MYO7A: variants seen among roughly 807,000 people sequenced by gnomAD.
MYO7A encodes myosin VIIA.
In MYO7A, 210 loss-of-function variants were observed where a neutral mutation model predicts 263.8. That is an observed-to-expected ratio of 0.80 (90% CI 0.71 to 0.89). The LOEUF is 0.89. Among genes scored for constraint, MYO7A ranks in the 40% least tolerant of loss-of-function variants. MYO7A has a pLI of 0.00. For missense variants in MYO7A, 2,820 were observed against 2,968.3 expected (o/e 0.95, Z 1.16); for synonymous variants, 1,239 against 1,197.3 (o/e 1.03, Z -0.72).
At chr11:77,186,288 G>A (rs1565424460) in intron 27 of MYO7A, among the ~76,000 whole-genome samples, 1 of 152,172 alleles carries the variant, frequency 6.6e-6, no homozygotes, top group Non-Finnish European at 1.5e-5. Flanking sequence ...TCAATTGAAA[G>A]TCAGCAGTGC....
intron 27 of MYO7A, among the ~76,000 whole-genome samples, chr11:77,188,049 T>G (rs1488524413): frequency 2.0e-5 from 3 of 152,214 alleles, no homozygotes; most frequent in Admixed American, 2.0e-4. Flanking sequence ...CTCACCATCA[T>G]ACCTAAAGCT....
intron 2 of MYO7A, among the ~76,000 whole-genome samples, chr11:77,136,839 C>T (rs1555047580): frequency 2.6e-5 from 4 of 152,198 alleles, no homozygotes; most frequent in Admixed American, 2.0e-4. Context: ...GGTCCAAACT[C>T]TTAGTGGCCA....
intron 9 of MYO7A, 43 bp from the exon 10 acceptor site, chr11:77,159,403 GC>G: frequency 2.8e-6 from 2 of 711,720 alleles, no homozygotes; most frequent in African/African-American, 1.7e-5. Context: ...TGCCCCTGTT[GC>G]CCACCCTCCC....
rs1952446418 is a variant in MYO7A, at chr11:77,156,198, T to G, written c.470+107T>G. Reference sequence around the variant, plus strand: ...ATTGCCCCCGCTGTCGGAAATGCCATCAAGCTCTTCAGGAACCAGACCTAT... The same window carrying G: ...ATTGCCCCCGCTGTCGGAAATGCCAGCAAGCTCTTCAGGAACCAGACCTAT... On this transcript the variant is annotated intron_variant, in intron 5 of 48. Transcript: ENST00000409709. 3 of 1,254,404 alleles carry G rather than the reference T, an allele frequency of 2.4e-6. No homozygotes were observed. The East Asian group carries it at 7.6e-5, about 32-fold the overall frequency. The allele number at this position is 1,254,404 out of a possible 1,614,324, so 77.7% of individuals were successfully genotyped here. A position where few individuals can be genotyped will look rare whatever the true frequency, so the allele number is the denominator to read the frequency against.
chr11:77,175,530 G>A, intron 18 of MYO7A, 66 bp downstream of exon 18: 4 of 1,451,896 alleles, frequency 2.8e-6, no homozygotes, highest in Non-Finnish European at 3.9e-6. Context: ...GTGGGCTGGG[G>A]TGCTCGGGAG....
intron 27 of MYO7A, among the ~76,000 whole-genome samples, chr11:77,185,816 A>T (rs907917874): frequency 6.6e-6 from 1 of 152,164 alleles, no homozygotes; most frequent in Non-Finnish European, 1.5e-5. Context: ...TATAAAATGT[A>T]TTTCTTAAAT....
At chr11:77,155,352 C>T (rs1952350733) in intron 4 of MYO7A, among the ~76,000 whole-genome samples, 1 of 152,180 alleles carries the variant, frequency 6.6e-6, no homozygotes, top group Non-Finnish European at 1.5e-5. Flanking sequence ...ACAGCATCTC[C>T]CTCTGTCCTG....
chr11:77,205,766 A>C lies in MYO7A; in HGVS notation c.5636+149A>C, dbSNP rs572619003. On this transcript the variant is annotated intron_variant, in intron 40 of 48. Coordinates refer to ENST00000409709, the MANE Select transcript of MYO7A (RefSeq NM_000260.4). ...AACTGCCAGCTAGACGGAGGTGCGG[A>C]TCCTGCAGCTGCTCAGGATGCAGCT... 29 of 1,109,688 alleles carry C rather than the reference A, an allele frequency of 2.6e-5. 1 individual carries two copies. In the African/African-American group the frequency reaches 4.2e-4, roughly 16 times the overall value. The allele number at this position is 1,109,688 out of a possible 1,614,324, so 68.7% of individuals were successfully genotyped here.
At chr11:77,160,304 G>A (rs368258875) in intron 11 of MYO7A, 22 bp downstream of exon 11, 26 of 1,547,462 alleles carry the variant, frequency 1.7e-5, no homozygotes, top group East Asian at 4.9e-5. Flanking sequence ...GGAAGGGGCC[G>A]CTTGCTCGCC....
At chr11:77,149,304 T>G (rs1225018018) in intron 4 of MYO7A, among the ~76,000 whole-genome samples, 1 of 152,068 alleles carries the variant, frequency 6.6e-6, no homozygotes, top group Non-Finnish European at 1.5e-5. Flanking sequence ...CTAGGGGCAT[T>G]ACTGGGGGAG....
chr11:77,165,514 C>T (rs1953452649), intron 14 of MYO7A, among the ~76,000 whole-genome samples: 1 of 152,238 alleles, frequency 6.6e-6, no homozygotes. Flanking sequence ...TACTGTGTGA[C>T]ATTAGACAAC....
chr11:77,172,671 G>T (rs374971551), intron 15 of MYO7A, 77 bp from the exon 16 acceptor site: 2 of 1,530,576 alleles, frequency 1.3e-6, no homozygotes, highest in Non-Finnish European at 1.8e-6. Context: ...CTCCCCTCCC[G>T]CTTCCTACTG....
In MYO7A at chr11:77,192,161, C is replaced by G. The variant is rs1956138822; in HGVS notation, c.4035C>G (p.Phe1345Leu). The G allele has an allele frequency of 6.2e-7, 1 of 1,614,026 alleles. No individual in the cohort carries two copies. The highest frequency in any genetic ancestry group is 1.1e-5 in the South Asian group (1 of 91,084). Reference protein sequence around the residue: ...AQERNAPWRLFFRKEVFTPWH... With the variant: ...AQERNAPWRLLFRKEVFTPWH... ...AGCGCAACGCCCCCTGGAGGCTCTT[C>G]TTCCGCAAAGAGGTCTTCACGCCCT... Residue 1345 changes from phenylalanine to leucine, a missense_variant, in exon 31 of 49, where the codon TTC becomes TTG. Phe to Leu is a conservative substitution (Grantham distance 22). Transcript: ENST00000409709.
Position 77,211,298 on chromosome 11 carries a change from G to T in MYO7A, c.6198G>T (p.Gln2066His), listed in dbSNP as rs940241588. 1 of 1,583,388 alleles carries T rather than the reference G, an allele frequency of 6.3e-7. No homozygotes were observed. Among genetic ancestry groups the T allele is most frequent in the Non-Finnish European group, 8.6e-7 (1 of 1,165,098 alleles). Residue 2066 changes from glutamine to histidine, a missense_variant, in exon 45 of 49, where the codon CAG becomes CAT. Coordinates refer to ENST00000409709, the MANE Select transcript of MYO7A (RefSeq NM_000260.4). ...AGCTGCTGCGGGAGCTGGTGCCCCA[G>T]GACCTTATCCGGCAGGTCTCACCTG... is the stretch of plus-strand genomic sequence containing the variant. ...IPKLLRELVP[Q>H]DLIRQVSPDD... is the part of the protein sequence containing the mutation.
chr11:77,130,600 G>T lies in MYO7A; in HGVS notation c.-35G>T. The T allele has an allele frequency of 7.4e-6, 12 of 1,611,776 alleles. No homozygotes were observed. The highest frequency in any genetic ancestry group is 1.0e-5 in the Non-Finnish European group (12 of 1,178,924). On this transcript the variant is annotated 5_prime_UTR_variant, in exon 2 of 49. Coordinates refer to ENST00000409709, the MANE Select transcript of MYO7A (RefSeq NM_000260.4). ...CTCTCTCCCTGCAGAACTGTGCCTG[G>T]CCCAGTGGGCAGCAGGAGCTCCTGA...
intron 32 of MYO7A, among the ~76,000 whole-genome samples, chr11:77,196,543 G>T (rs540988186): frequency 6.6e-6 from 1 of 152,240 alleles, no homozygotes; most frequent in African/African-American, 2.4e-5. Flanking sequence ...GAAATTGCAC[G>T]TTCAAAAAAG....
At chr11:77,204,725 CTG>C (rs1230848649) in intron 39 of MYO7A, among the ~76,000 whole-genome samples, 7 of 152,216 alleles carry the variant, frequency 4.6e-5, no homozygotes, top group African/African-American at 1.7e-4. Flanking sequence ...CTCTCAGAGT[CTG>C]AGAGAAGCTC....
intron 47 of MYO7A, among the ~76,000 whole-genome samples, chr11:77,213,484 G>A (rs2135801039): frequency 6.6e-6 from 1 of 152,266 alleles, no homozygotes; most frequent in Admixed American, 6.5e-5. Context: ...CTGTGTCTTG[G>A]TCATTCCTTC....
At position 77,196,643 on chromosome 11, in the gene MYO7A, TTC is replaced by T. The variant is rs1956684932; in HGVS notation, c.4324-834_4324-833del. Among the ~76,000 whole-genome samples the T allele has an allele frequency of 4.6e-5, 7 of 152,320 alleles. No homozygotes were observed. The South Asian group carries it at 1.5e-3, about 32-fold the overall frequency. ...TTGTCTCTCTGCCTACATATGTATT[TTC>T]TCTGAGTCATTTGAGCTTGGGTTGG... On this transcript the variant is annotated intron_variant, in intron 32 of 48. Coordinates refer to ENST00000409709, the MANE Select transcript of MYO7A (RefSeq NM_000260.4).
Sources: gnomAD v4.1 joint callset for allele counts (sites outside exome capture counted in the v4.1 genomes callset) on GRCh38, gnomAD v4.1.1 for gene constraint, MANE v1.5 for transcripts, NCBI Gene and HGNC (gene_info 2026-07-23, HGNC 2026-07-21) for gene names.